ARHGAP17: variants seen among roughly 807,000 people sequenced by gnomAD.
ARHGAP17 encodes the protein rho GTPase-activating protein 17.
A neutral mutation model predicts 99.5 loss-of-function variants in ARHGAP17; 57 were observed. That is an observed-to-expected ratio of 0.57 (90% CI 0.46 to 0.71). ARHGAP17 has a LOEUF of 0.71. ARHGAP17 is among the 30% of genes least tolerant of loss of function. The pLI is 0.00. For synonymous variants in ARHGAP17, 417 were observed against 429.6 expected (o/e 0.97, Z 0.36); for missense variants, 1,000 against 1,122.4 (o/e 0.89, Z 1.56).
chr16:24,978,954 A>G lies in ARHGAP17; in HGVS notation c.93+12T>C, dbSNP rs750054793. 24 of 1,581,150 alleles carry G rather than the reference A, an allele frequency of 1.5e-5. No homozygotes were observed. The African/African-American group carries it at 1.9e-4, about 13-fold the overall frequency. On this transcript the variant is annotated intron_variant, in intron 2 of 19. Transcript: ENST00000289968. Reference sequence around the variant, plus strand: ...TTAAACAGATCATTTAAAGGAGACTATATTTTGTTACCTGTAATAGATCTT... The same window carrying G: ...TTAAACAGATCATTTAAAGGAGACTGTATTTTGTTACCTGTAATAGATCTT...
chr16:24,943,916 C>A, intron 14 of ARHGAP17, 54 bp from the exon 15 acceptor site: 1 of 1,464,404 alleles, frequency 6.8e-7, no homozygotes, highest in Non-Finnish European at 9.6e-7. Flanking sequence ...CATCTAATTT[C>A]TTCTGGTTGT....
chr16:24,960,878 A>AT lies in ARHGAP17; in HGVS notation c.574-900dup, dbSNP rs2051972942. On this transcript the variant is annotated intron_variant, in intron 7 of 19. Coordinates refer to ENST00000289968, the MANE Select transcript of ARHGAP17 (RefSeq NM_001006634.3). ...TATGTCATATTTTTATTTTGTTTTT[A>AT]TTTATTTTTTTGAGATAGAGTCTCA... Among the ~76,000 whole-genome samples, 7 of 150,666 alleles carry AT rather than the reference A, an allele frequency of 4.6e-5. No individual in the cohort carries two copies. The South Asian group carries it at 1.5e-3, about 32-fold the overall frequency.
intron 19 of ARHGAP17, among the ~76,000 whole-genome samples, chr16:24,925,516 T>G (rs2050817242): frequency 1.3e-5 from 2 of 152,242 alleles, no homozygotes; most frequent in African/African-American, 4.8e-5. Context: ...TATTAGAGAC[T>G]CTGAGTCAAC....
At chr16:24,993,069 T>C (rs141312511) in intron 1 of ARHGAP17, among the ~76,000 whole-genome samples, 38 of 152,282 alleles carry the variant, frequency 2.5e-4, no homozygotes, top group Middle Eastern at 6.8e-3. Flanking sequence ...AATCCTTTTT[T>C]TGGAGACAAG....
chr16:24,946,299 A>C (rs776765624), intron 14 of ARHGAP17, among the ~76,000 whole-genome samples: 28 of 151,894 alleles, frequency 1.8e-4, no homozygotes, highest in Non-Finnish European at 2.8e-4. Context: ...TCACAGCCTC[A>C]TGTTCTCTGT....
In ARHGAP17 at chr16:24,955,946, C is replaced by G. The variant is rs1429146254; in HGVS notation, c.725-1216G>C. The G allele has an allele frequency of 6.6e-6, 1 of 152,314 alleles. No homozygotes were observed. The highest frequency in any genetic ancestry group is 1.5e-5 in the Non-Finnish European group (1 of 68,152). The allele number at this position is 152,314 out of a possible 1,614,324, so 9.4% of individuals were successfully genotyped here. On this transcript the variant is annotated intron_variant, in intron 9 of 19. Coordinates refer to ENST00000289968, the MANE Select transcript of ARHGAP17 (RefSeq NM_001006634.3). The surrounding 1 kb of genome is among the most constrained non-coding windows in gnomAD (Gnocchi z 4.0). ...AATGAGGTGCAGGCCACCAGCCACT[C>G]TCAGAATTGTGGGGAGCCCTCCTCG...
intron 16 of ARHGAP17, 101 bp from the exon 17 acceptor site, chr16:24,939,698 C>A (rs1221469912): frequency 3.2e-6 from 4 of 1,248,670 alleles, no homozygotes; most frequent in Non-Finnish European, 4.5e-6. Context: ...GGGATAGCCA[C>A]CCAAGCTGCC....
chr16:24,954,996 GCTGCACCT>G, intron 9 of ARHGAP17: 5 of 414,772 alleles, frequency 1.2e-5, no homozygotes, highest in South Asian at 7.3e-5. Context: ...GCAGTGGCAC[GCTGCACCT>G]GCACCACACT....
At chr16:24,924,094 C>T (rs989484122) in intron 19 of ARHGAP17, among the ~76,000 whole-genome samples, 7 of 152,048 alleles carry the variant, frequency 4.6e-5, no homozygotes, top group African/African-American at 1.2e-4. Context: ...AACTGCAGGG[C>T]GAATAAACTC....
At position 24,977,299 on chromosome 16, in the gene ARHGAP17, C is replaced by A; in HGVS notation, c.114G>T (p.Thr38=). ...DLLQIERRLD[T]VRSICHHSHK... The stretch of plus-strand genomic sequence containing the variant: ...GGGAATGGTGGCATATTGACCGCAC[C>A]GTGTCCAGGCGTCTCTCAATCTGAC... The change falls in exon 3 of 20, where the codon ACG becomes ACT. Residue 38 remains threonine (T), a synonymous_variant. Transcript: ENST00000289968. 6.3e-7 allele frequency: 1 copy of A among 1,587,398 alleles called. No homozygotes were observed. The highest frequency in any genetic ancestry group is 8.6e-7 in the Non-Finnish European group (1 of 1,161,160).
intron 19 of ARHGAP17, among the ~76,000 whole-genome samples, chr16:24,922,026 T>G (rs950454558): frequency 5.6e-4 from 85 of 152,388 alleles, no homozygotes; most frequent in African/African-American, 1.9e-3. Context: ...GCTGCACACT[T>G]GGATGGTTGG....
At chr16:24,951,630 A>G (rs898720523) in intron 12 of ARHGAP17, among the ~76,000 whole-genome samples, 7 of 152,208 alleles carry the variant, frequency 4.6e-5, no homozygotes, top group Non-Finnish European at 1.0e-4. Context: ...AAGGATGAAG[A>G]CCTTTAAGAT....
At chr16:25,004,985 G>A (rs2053467486) in intron 1 of ARHGAP17, among the ~76,000 whole-genome samples, 1 of 152,210 alleles carries the variant, frequency 6.6e-6, no homozygotes, top group Non-Finnish European at 1.5e-5. Context: ...TGCGATCTTG[G>A]CTCACTGCAA....
intron 1 of ARHGAP17, among the ~76,000 whole-genome samples, chr16:25,000,879 CA>C (rs1218782272): frequency 6.6e-6 from 1 of 152,224 alleles, no homozygotes; most frequent in African/African-American, 2.4e-5. Flanking sequence ...TGACACAAAA[CA>C]GACACAGAAT....
At chr16:24,991,553 A>C (rs902352236) in intron 1 of ARHGAP17, among the ~76,000 whole-genome samples, 2 of 152,100 alleles carry the variant, frequency 1.3e-5, no homozygotes, top group African/African-American at 4.8e-5. Flanking sequence ...GGTTGTGACA[A>C]CACCGTGTGG....
At chr16:24,983,173 T>G (rs1446277826) in intron 1 of ARHGAP17, among the ~76,000 whole-genome samples, 1 of 150,588 alleles carries the variant, frequency 6.6e-6, no homozygotes, top group Non-Finnish European at 1.5e-5. Context: ...CTCAGCTAAT[T>G]TTTCTATTTT....
Position 24,935,655 on chromosome 16 carries a change from G to T in ARHGAP17, c.1725-16C>A, listed in dbSNP as rs748698237. ...TTTGGGAGGACTAAGAGGAGTAAAA[G>T]TCAAGTTAGACGTCAGACAATCCCA... On this transcript the variant is annotated splice_polypyrimidine_tract_variant and intron_variant, in intron 17 of 19. Coordinates refer to ENST00000289968, the MANE Select transcript of ARHGAP17 (RefSeq NM_001006634.3). 2.7e-5 allele frequency: 44 copies of T among 1,613,014 alleles called. No homozygotes were observed. The highest frequency in any genetic ancestry group is 3.4e-5 in the Non-Finnish European group (40 of 1,179,702).
chr16:24,945,229 T>G (rs76201449), intron 14 of ARHGAP17, among the ~76,000 whole-genome samples: 27,455 of 150,924 alleles, frequency 0.18, 7,747 homozygotes, highest in African/African-American at 0.61. Flanking sequence ...AGGCTGGGGT[T>G]GGAGGATAGC....
chr16:24,978,866 T>TAAAAAAA (rs56027541), intron 2 of ARHGAP17, 100 bp downstream of exon 2: 2 of 586,954 alleles, frequency 3.4e-6, no homozygotes, highest in Non-Finnish European at 5.5e-6. Context: ...TGTTTCTGGT[T>TAAAAAAA]AAAAAAAAAA....
Sources: gnomAD v4.1 joint callset for allele counts (sites outside exome capture counted in the v4.1 genomes callset) on GRCh38, gnomAD v4.1.1 for gene constraint, Gnocchi (gnomAD v3.1) non-coding constraint, MANE v1.5 for transcripts, NCBI Gene and HGNC (gene_info 2026-07-23, HGNC 2026-07-21) for gene names.